SMYD3: variants seen among roughly 807,000 people sequenced by gnomAD.
The protein encoded by SMYD3 is histone-lysine N-methyltransferase SMYD3.
Under a neutral mutation model 57.7 loss-of-function variants are expected in SMYD3, and 36 were observed. The ratio of observed to expected loss-of-function variants is 0.62; its 90% CI spans 0.48 to 0.82. SMYD3 has a LOEUF of 0.82. SMYD3 is among the 40% of genes least tolerant of loss of function. SMYD3 has a pLI of 0.00. For synonymous variants in SMYD3, 211 were observed against 195.0 expected (o/e 1.08, Z -0.68); for missense variants, 515 against 538.8 (o/e 0.96, Z 0.44).
At chr1:245,925,515 TG>T (rs1208005599) in intron 7 of SMYD3, among the ~76,000 whole-genome samples, 3 of 152,134 alleles carry the variant, frequency 2.0e-5, no homozygotes, top group Non-Finnish European at 4.4e-5. Flanking sequence ...TTTTAGTTGT[TG>T]GGGGATGGCT....
At chr1:246,314,076 C>A (rs1314531313) in intron 5 of SMYD3, among the ~76,000 whole-genome samples, 4 of 152,082 alleles carry the variant, frequency 2.6e-5, no homozygotes, top group African/African-American at 4.8e-5. Context: ...ATGAATAATC[C>A]ACCCTCCTCC....
intron 5 of SMYD3, among the ~76,000 whole-genome samples, chr1:246,160,276 T>C (rs1558277833): frequency 6.6e-6 from 1 of 152,200 alleles, no homozygotes; most frequent in Admixed American, 6.5e-5. Context: ...AAGTTCTAGA[T>C]AGAGAGAACT....
intron 5 of SMYD3, among the ~76,000 whole-genome samples, chr1:246,146,995 G>A (rs188054958): frequency 6.4e-4 from 97 of 152,316 alleles, no homozygotes; most frequent in Admixed American, 1.4e-3. Flanking sequence ...GCAGGCAGGC[G>A]TGACAGTGTT....
At chr1:245,847,971 C>G (rs1282521580) in intron 10 of SMYD3, among the ~76,000 whole-genome samples, 1 of 152,164 alleles carries the variant, frequency 6.6e-6, no homozygotes, top group Admixed American at 6.5e-5. Flanking sequence ...CCCATACATA[C>G]TGGTGAACCA....
chr1:246,430,859 T>C (rs529352520), intron 1 of SMYD3, among the ~76,000 whole-genome samples: 10 of 152,128 alleles, frequency 6.6e-5, no homozygotes, highest in Non-Finnish European at 1.5e-4. Context: ...GAGAAGGAGC[T>C]TATGTAGAAA....
intron 5 of SMYD3, among the ~76,000 whole-genome samples, chr1:246,300,174 G>T (rs1360595788): frequency 6.6e-6 from 1 of 152,100 alleles, no homozygotes; most frequent in Non-Finnish European, 1.5e-5. Context: ...TCTCTAAGAA[G>T]TAAGGTTTCT....
chr1:246,181,933 T>C (rs2062558145), intron 5 of SMYD3, among the ~76,000 whole-genome samples: 2 of 152,210 alleles, frequency 1.3e-5, no homozygotes, highest in African/African-American at 4.8e-5. Context: ...TCCCCAATGA[T>C]CACGTAGAGA....
intron 1 of SMYD3, among the ~76,000 whole-genome samples, chr1:246,474,637 A>AT (rs1446772781): frequency 6.6e-6 from 1 of 152,194 alleles, no homozygotes; most frequent in East Asian, 1.9e-4. Context: ...AATACAAAAT[A>AT]TAAGGATTGA....
intron 10 of SMYD3, 107 bp downstream of exon 10, chr1:245,858,389 G>A: frequency 8.7e-7 from 1 of 1,146,122 alleles, no homozygotes; most frequent in Non-Finnish European, 1.2e-6. Flanking sequence ...AGAAGCAGCT[G>A]GAAATGCTCC....
At chr1:246,326,975 C>T (rs2065363476) in intron 5 of SMYD3, 3 of 545,180 alleles carry the variant, frequency 5.5e-6, no homozygotes, top group Admixed American at 3.6e-5. Context: ...TCACAATGAA[C>T]ATACTCAGGC....
chr1:245,936,946 A>G (rs1370820128), intron 5 of SMYD3, among the ~76,000 whole-genome samples: 1 of 152,186 alleles, frequency 6.6e-6, no homozygotes, highest in Non-Finnish European at 1.5e-5. Context: ...GAAAACTAAA[A>G]ATTTGTCTTT....
Position 246,148,007 on chromosome 1 carries a change from G to C in SMYD3, c.531+179194C>G, listed in dbSNP as rs2061880692. Among the ~76,000 whole-genome samples the C allele has an allele frequency of 2.6e-5, 4 of 152,146 alleles. No individual in the cohort carries two copies. The South Asian group carries it at 8.3e-4, about 32-fold the overall frequency. ...TGCTCTGATCTCCGACCGGGGTTGGGGCCGAGCCCGGGGCAGCAGGAGGCA... is the reference window on the plus strand; with the variant it reads ...TGCTCTGATCTCCGACCGGGGTTGGCGCCGAGCCCGGGGCAGCAGGAGGCA... On this transcript the variant is annotated intron_variant, in intron 5 of 11. Transcript: ENST00000490107.
intron 5 of SMYD3, among the ~76,000 whole-genome samples, chr1:246,123,224 C>T (rs2061450437): frequency 6.6e-6 from 1 of 152,128 alleles, no homozygotes; most frequent in African/African-American, 2.4e-5. Flanking sequence ...CTTCAAGGTG[C>T]AAGCAGGTGA....
intron 8 of SMYD3, among the ~76,000 whole-genome samples, chr1:245,909,939 A>G (rs1282461994): frequency 6.6e-6 from 1 of 152,304 alleles, no homozygotes; most frequent in Admixed American, 6.5e-5. Flanking sequence ...CTTTTACTCA[A>G]CACAGTACTG....
At chr1:245,937,963 C>G (rs1443397741) in intron 5 of SMYD3, among the ~76,000 whole-genome samples, 1 of 152,206 alleles carries the variant, frequency 6.6e-6, no homozygotes, top group African/African-American at 2.4e-5. Context: ...CTCAAGTTAT[C>G]TGTTTTTCCG....
At chr1:245,765,077 C>CAAAAAAAAAAAAAAAAA (rs746177324) in intron 10 of SMYD3, among the ~76,000 whole-genome samples, 9 of 128,396 alleles carry the variant, frequency 7.0e-5, no homozygotes, top group African/African-American at 1.5e-4. Context: ...CACACACACA[C>CAAAAAAAAAAAAAAAAA]AAAACCACAG....
chr1:246,073,410 G>A (rs1572980503), intron 5 of SMYD3, among the ~76,000 whole-genome samples: 1 of 152,124 alleles, frequency 6.6e-6, no homozygotes, highest in East Asian at 1.9e-4. Context: ...TTGTGATTTG[G>A]GGATTTTAGA....
chr1:246,390,684 CAT>C (rs2066546223), intron 1 of SMYD3, among the ~76,000 whole-genome samples: 1 of 152,084 alleles, frequency 6.6e-6, no homozygotes, highest in Non-Finnish European at 1.5e-5. Context: ...ATTATGACAA[CAT>C]ATAATCAATA....
At chr1:246,384,540 T>C (rs1228860538) in intron 1 of SMYD3, among the ~76,000 whole-genome samples, 11 of 151,506 alleles carry the variant, frequency 7.3e-5, no homozygotes, top group African/African-American at 2.7e-4. Flanking sequence ...GGATTACAGG[T>C]GCCCGCCACC....
Sources: allele counts gnomAD v4.1 joint callset (sites outside exome capture counted in the v4.1 genomes callset), GRCh38; gene constraint gnomAD v4.1.1; transcripts MANE v1.5; gene names NCBI Gene and HGNC (gene_info 2026-07-23, HGNC 2026-07-21).